Variants in IL31RA observed in about 807,000 individuals in gnomAD.
IL31RA encodes interleukin 31 receptor A, also known as interleukin-31 receptor subunit alpha.
IL31RA carries 66 observed loss-of-function variants against 83.7 expected under a neutral mutation model. The ratio of observed to expected loss-of-function variants is 0.79; its 90% confidence interval spans 0.65 to 0.97. The LOEUF (loss-of-function observed/expected upper bound fraction) is 0.97. Ranked by LOEUF, IL31RA falls within the 50% of genes least tolerant of loss-of-function variation. The probability of loss-of-function intolerance (pLI) is 0.00; values close to 1 mark genes in which losing one functional copy is unlikely to be tolerated. For missense variants in IL31RA, 798 were observed against 919.4 expected (o/e 0.87, Z 1.71); for synonymous variants, 325 against 329.0 (o/e 0.99, Z 0.13).
At chr5:55,891,723 A>T (rs1369973079) in intron 6 of IL31RA, among the ~76,000 whole-genome samples, 2 of 141,216 alleles carry the variant, frequency 1.4e-5, no homozygotes, top group African/African-American at 5.3e-5. Context: ...CTTTTACCAT[A>T]TAAGGAAACA....
At chr5:55,881,196 G>A (rs1355620482) in intron 4 of IL31RA, among the ~76,000 whole-genome samples, 1 of 152,026 alleles carries the variant, frequency 6.6e-6, no homozygotes, top group African/African-American at 2.4e-5. Context: ...CAGCTACTAG[G>A]GGGGCTGAGG....
intron 6 of IL31RA, among the ~76,000 whole-genome samples, chr5:55,893,238 G>A (rs1748124494): frequency 6.6e-6 from 1 of 152,190 alleles, no homozygotes; most frequent in Non-Finnish European, 1.5e-5. Context: ...TTGAATACCT[G>A]CTTAATTTCT....
At chr5:55,890,283 C>T in intron 6 of IL31RA, 148 bp downstream of exon 6, 1 of 730,574 alleles carries the variant, frequency 1.4e-6, no homozygotes, top group Non-Finnish European at 2.4e-6. Context: ...TGAGCCTGCA[C>T]AACTTTGTGC....
intron 2 of IL31RA, among the ~76,000 whole-genome samples, chr5:55,863,026 C>G (rs1745784870): frequency 6.6e-6 from 1 of 152,138 alleles, no homozygotes; most frequent in Non-Finnish European, 1.5e-5. Context: ...GTAGGCTCTG[C>G]CAGCCAAGGC....
chr5:55,871,096 C>G (rs1746477332), intron 3 of IL31RA, among the ~76,000 whole-genome samples: 1 of 152,180 alleles, frequency 6.6e-6, no homozygotes, highest in South Asian at 2.1e-4. Context: ...AGATATATTA[C>G]TGTCTTCATT....
In IL31RA at chr5:55,922,064, G is replaced by T. The variant is rs1002488194; in HGVS notation, c.*4944G>T. 6.8e-5 allele frequency among the ~76,000 whole-genome samples: 10 copies of T among 146,272 alleles called. No homozygotes were observed. Among genetic ancestry groups the T allele is most frequent in the Admixed American group, 4.1e-4 (6 of 14,746 alleles). ...ACTCTTATGTTGTGGCGGGGGGGGG[G>T]GGCGGTTCCTGAAGAGTGGAGTGTG... On this transcript the variant is annotated 3_prime_UTR_variant, in exon 15 of 15. Coordinates refer to ENST00000652347, the MANE Select transcript of IL31RA (RefSeq NM_139017.7).
At chr5:55,864,912 A>T (rs562121767) in intron 2 of IL31RA, among the ~76,000 whole-genome samples, 22 of 152,138 alleles carry the variant, frequency 1.4e-4, no homozygotes, top group African/African-American at 5.3e-4. Flanking sequence ...CACACACCCC[A>T]TACACACACA....
chr5:55,877,564 G>A (rs1746935937), intron 4 of IL31RA, among the ~76,000 whole-genome samples: 1 of 152,034 alleles, frequency 6.6e-6, no homozygotes, highest in Non-Finnish European at 1.5e-5. Context: ...TATTTATTTT[G>A]GAATGTCTTA....
intron 2 of IL31RA, among the ~76,000 whole-genome samples, chr5:55,861,444 C>T (rs1745680306): frequency 6.6e-6 from 1 of 152,198 alleles, no homozygotes; most frequent in Non-Finnish European, 1.5e-5. Context: ...CTATTGTGAA[C>T]TGTGCATATG....
rs575272942 is a variant in IL31RA, at chr5:55,922,023, G to A, written c.*4903G>A. On this transcript the variant is annotated 3_prime_UTR_variant, in exon 15 of 15. Transcript: ENST00000652347. ...CCTACTTGTAATCAAAATGTGTAGT[G>A]TGGTCAGTGTCTTGCACTCTTATGT... 6.9e-6 allele frequency among the ~76,000 whole-genome samples: 1 copy of A among 145,102 alleles called. No individual in the cohort carries two copies. Among genetic ancestry groups the A allele is most frequent in the South Asian group, 2.2e-4 (1 of 4,608 alleles).
chr5:55,904,569 A>T (rs1048831520), intron 8 of IL31RA, among the ~76,000 whole-genome samples: 2 of 152,166 alleles, frequency 1.3e-5, no homozygotes, highest in Non-Finnish European at 2.9e-5. Flanking sequence ...CATTTCCTCC[A>T]TGCCTCAGTT....
In IL31RA at chr5:55,855,517, C is replaced by T. The variant is rs926845462; in HGVS notation, c.63+3884C>T. Among the ~76,000 whole-genome samples the T allele has an allele frequency of 5.9e-5, 9 of 152,208 alleles. No homozygotes were observed. The South Asian group carries it at 1.9e-3, about 32-fold the overall frequency. On this transcript the variant is annotated intron_variant, in intron 1 of 14. Transcript: ENST00000652347. ...AGGAAGGCAAGCCCTGGGAAAATCA[C>T]GTAGTGGTACATTCTTGTACAAGTG...
At chr5:55,846,764 C>G (rs2112248732), upstream of IL31RA, among the ~76,000 whole-genome samples, 1 of 152,094 alleles carries the variant, frequency 6.6e-6, no homozygotes, top group South Asian at 2.1e-4. Context: ...TGCACTCCAG[C>G]CTGGGTGACA....
intron 3 of IL31RA, among the ~76,000 whole-genome samples, chr5:55,869,356 AT>A (rs992727305): frequency 3.3e-5 from 5 of 152,060 alleles, no homozygotes; most frequent in Admixed American, 2.6e-4. Context: ...TGATTCCCCA[AT>A]TTTTTTTACT....
chr5:55,873,320 T>C (rs116864523), intron 4 of IL31RA, among the ~76,000 whole-genome samples: 1,646 of 152,304 alleles, frequency 0.011, 21 homozygotes, highest in South Asian at 0.044. Flanking sequence ...TTATGGACAT[T>C]TGGCTTGTTG....
At chr5:55,908,103 A>G (rs932629026) in intron 10 of IL31RA, among the ~76,000 whole-genome samples, 162 bp from the exon 11 acceptor site, 2 of 152,176 alleles carry the variant, frequency 1.3e-5, no homozygotes, top group African/African-American at 4.8e-5. Flanking sequence ...GGTTCTAGAA[A>G]ACAATTTTCC....
chr5:55,884,799 A>G (rs1238297817), intron 5 of IL31RA, among the ~76,000 whole-genome samples: 1 of 152,178 alleles, frequency 6.6e-6, no homozygotes, highest in Non-Finnish European at 1.5e-5. Flanking sequence ...CCAGTAAAAC[A>G]TACCTCTACT....
chr5:55,867,143 G>T (rs1746131320), intron 2 of IL31RA, among the ~76,000 whole-genome samples: 1 of 149,622 alleles, frequency 6.7e-6, no homozygotes, highest in Non-Finnish European at 1.5e-5. Flanking sequence ...GTGCATGTGT[G>T]TGTGCATGTG....
chr5:55,922,513 CTG>C lies in IL31RA; in HGVS notation c.*5394_*5395del, dbSNP rs1266112291. 8.2e-7 allele frequency: 1 copy of C among 1,222,118 alleles called. No homozygotes were observed. The highest frequency in any genetic ancestry group is 1.5e-5 in the African/African-American group (1 of 66,314). 75.7% of individuals were successfully genotyped at this position (1,222,118 alleles called of 1,614,324 possible). ...ATGCAGAGTTTTCCAACTAGGAAGA[CTG>C]AATCTGTGGCCCCAAGAGAACCATC... On this transcript the variant is annotated 3_prime_UTR_variant, in exon 15 of 15. Transcript: ENST00000652347.
Sources: allele counts gnomAD v4.1 joint callset (sites outside exome capture counted in the v4.1 genomes callset), GRCh38; gene constraint gnomAD v4.1.1; transcripts MANE v1.5; gene names NCBI Gene and HGNC (gene_info 2026-07-23, HGNC 2026-07-21).